Variants in RAVER2 observed in about 807,000 individuals in gnomAD.
RAVER2 encodes the protein ribonucleoprotein PTB-binding 2.
A neutral mutation model predicts 78.1 loss-of-function variants in RAVER2; 46 were observed. The observed-to-expected ratio is 0.59, with a 90% confidence interval of 0.46 to 0.75. The LOEUF is 0.75. RAVER2 is among the 30% of genes least tolerant of loss of function. RAVER2 has a pLI of 0.00. For missense variants in RAVER2, 793 were observed against 837.5 expected (o/e 0.95, Z 0.66); for synonymous variants, 311 against 313.3 (o/e 0.99, Z 0.08).
intron 1 of RAVER2, among the ~76,000 whole-genome samples, chr1:64,753,997 C>T (rs542493663): frequency 6.6e-6 from 1 of 152,128 alleles, no homozygotes; most frequent in South Asian, 2.1e-4. Context: ...TTGAGATCTC[C>T]CTGTAATCCC....
intron 4 of RAVER2, 93 bp downstream of exon 4, chr1:64,781,664 C>T: frequency 2.5e-6 from 3 of 1,179,638 alleles, no homozygotes; most frequent in Non-Finnish European, 1.2e-6. Flanking sequence ...AATTGATTGT[C>T]GATTGCACCA....
At chr1:64,821,038 TC>T (rs1221141551) in intron 11 of RAVER2, among the ~76,000 whole-genome samples, 1 of 152,204 alleles carries the variant, frequency 6.6e-6, no homozygotes, top group Non-Finnish European at 1.5e-5. Flanking sequence ...GTATTAGTGT[TC>T]CCTTTTCTCC....
chr1:64,796,632 A>AT (rs1437998762), intron 5 of RAVER2, among the ~76,000 whole-genome samples: 1 of 151,884 alleles, frequency 6.6e-6, no homozygotes, highest in African/African-American at 2.4e-5. Context: ...CATTCCTGAT[A>AT]TTTTTGTCTT....
intron 11 of RAVER2, among the ~76,000 whole-genome samples, chr1:64,824,178 A>G (rs1277184970): frequency 6.6e-6 from 1 of 152,166 alleles, no homozygotes; most frequent in Non-Finnish European, 1.5e-5. Flanking sequence ...AGTGTTATCT[A>G]CTTGCACGGT....
intron 4 of RAVER2, among the ~76,000 whole-genome samples, chr1:64,785,670 A>G (rs1220176415): frequency 1.3e-5 from 2 of 151,916 alleles, no homozygotes; most frequent in South Asian, 2.1e-4. Flanking sequence ...TGCCCGGCCA[A>G]TTGTCCCTAA....
chr1:64,753,066 T>C (rs1280555849), intron 1 of RAVER2, among the ~76,000 whole-genome samples: 4 of 152,194 alleles, frequency 2.6e-5, no homozygotes, highest in Admixed American at 2.0e-4. Flanking sequence ...GGATCTTTTG[T>C]TACTACCAAC....
chr1:64,823,162 T>C (rs960714540), intron 11 of RAVER2, among the ~76,000 whole-genome samples: 3 of 152,340 alleles, frequency 2.0e-5, no homozygotes, highest in African/African-American at 7.2e-5. Context: ...TTGGACTCTT[T>C]AGAAATTAAG....
intron 3 of RAVER2, among the ~76,000 whole-genome samples, chr1:64,779,780 A>AC (rs895988745): frequency 2.7e-5 from 4 of 148,918 alleles, no homozygotes; most frequent in Non-Finnish European, 3.0e-5. Context: ...TGAATTGTGA[A>AC]CCCCCCCGAG....
At chr1:64,748,298 C>T (rs1049217605) in intron 1 of RAVER2, among the ~76,000 whole-genome samples, 1 of 152,204 alleles carries the variant, frequency 6.6e-6, no homozygotes, top group African/African-American at 2.4e-5. Flanking sequence ...GGTTCAAGTC[C>T]TTTTCGTCTC....
At chr1:64,777,503 T>C (rs1652498215) in intron 2 of RAVER2, 120 bp from the exon 3 acceptor site, 1 of 773,920 alleles carries the variant, frequency 1.3e-6, no homozygotes, top group Non-Finnish European at 2.0e-6. Flanking sequence ...TATTAACTTA[T>C]AATTTTGTTT....
intron 1 of RAVER2, among the ~76,000 whole-genome samples, chr1:64,749,007 T>G (rs1443727065): frequency 2.6e-5 from 4 of 151,838 alleles, no homozygotes; most frequent in African/African-American, 9.7e-5. Flanking sequence ...TAATTTTTTT[T>G]TTTTTAATTT....
intron 3 of RAVER2, among the ~76,000 whole-genome samples, chr1:64,779,156 C>T (rs1016416641): frequency 2.0e-5 from 3 of 151,842 alleles, no homozygotes; most frequent in Non-Finnish European, 2.9e-5. Context: ...CATCCACTCT[C>T]GTAGCATTTT....
chr1:64,816,918 C>T (rs1242429878), intron 11 of RAVER2, among the ~76,000 whole-genome samples: 1 of 152,174 alleles, frequency 6.6e-6, no homozygotes, highest in Non-Finnish European at 1.5e-5. Flanking sequence ...TCTAATTAAA[C>T]TAAAGAGCTT....
At chr1:64,804,913 T>C (rs1395062200) in intron 7 of RAVER2, 75 bp downstream of exon 7, 2 of 1,528,016 alleles carry the variant, frequency 1.3e-6, no homozygotes, top group South Asian at 2.3e-5. Flanking sequence ...TCAGGTTGTT[T>C]ATGAATTTTC....
intron 11 of RAVER2, among the ~76,000 whole-genome samples, chr1:64,826,286 A>G (rs1283554559): frequency 6.6e-6 from 1 of 152,252 alleles, no homozygotes; most frequent in East Asian, 1.9e-4. Context: ...TGATCGCTGC[A>G]GAGAAAATAA....
intron 4 of RAVER2, among the ~76,000 whole-genome samples, chr1:64,786,032 A>G (rs958011973): frequency 1.3e-5 from 2 of 152,228 alleles, no homozygotes; most frequent in African/African-American, 4.8e-5. Context: ...ATACTAAATA[A>G]CTTAGATGAA....
chr1:64,830,553 A>T (rs1263587356), intron 11 of RAVER2, among the ~76,000 whole-genome samples: 1 of 152,220 alleles, frequency 6.6e-6, no homozygotes, highest in African/African-American at 2.4e-5. Flanking sequence ...GATCAGCAGA[A>T]GCAGCTGCAT....
In RAVER2 at chr1:64,777,127, A is replaced by G. The variant is rs562212297; in HGVS notation, c.317-496A>G. 1.9e-3 allele frequency among the ~76,000 whole-genome samples: 295 copies of G among 152,260 alleles called. 2 individuals carry two copies. Among genetic ancestry groups the G allele is most frequent in the Admixed American group, 0.017 (263 of 15,288 alleles). On this transcript the variant is annotated intron_variant, in intron 2 of 11. Transcript: ENST00000294428. ...GAAATGGCCTCCTTTATGCATTTTGATGTTTTTGCTGTACCTTCATTTTTT... is the reference window on the plus strand; with the variant it reads ...GAAATGGCCTCCTTTATGCATTTTGGTGTTTTTGCTGTACCTTCATTTTTT...
chr1:64,813,276 A>G (rs541105265), intron 10 of RAVER2, among the ~76,000 whole-genome samples: 2 of 152,362 alleles, frequency 1.3e-5, no homozygotes, highest in South Asian at 4.1e-4. Context: ...TCCAGGCACA[A>G]GGATGTTCAC....
Sources: gnomAD v4.1 joint callset for allele counts (sites outside exome capture counted in the v4.1 genomes callset) on GRCh38, gnomAD v4.1.1 for gene constraint, MANE v1.5 for transcripts, NCBI Gene and HGNC (gene_info 2026-07-23, HGNC 2026-07-21) for gene names.